Variants in TRIM3 observed in about 807,000 individuals in gnomAD.
The protein encoded by TRIM3 is tripartite motif containing 3.
A neutral mutation model predicts 66.6 loss-of-function variants in TRIM3; 13 were observed. The observed-to-expected ratio is 0.20, with a 90% CI of 0.13 to 0.31. The LOEUF (loss-of-function observed/expected upper bound fraction) is 0.31. Ranked by LOEUF, TRIM3 falls within the 10% of genes least tolerant of loss-of-function variation. TRIM3 has a pLI of 1.00. For synonymous variants in TRIM3, 406 were observed against 411.7 expected (o/e 0.99, Z 0.17); for missense variants, 711 against 1,020.4 (o/e 0.70, Z 4.13).
chr11:6,465,875 G>T (rs554066427), intron 1 of TRIM3, 143 bp from the exon 2 acceptor site: 2 of 689,786 alleles, frequency 2.9e-6, no homozygotes, highest in Admixed American at 5.6e-5. Flanking sequence ...AAGGATCAGG[G>T]TGATGTGACC....
At position 6,450,476 on chromosome 11, in the gene TRIM3, G is replaced by A; in HGVS notation, c.1941+75C>T. On this transcript the variant is annotated intron_variant, in intron 10 of 11. Transcript: ENST00000345851. This position sits in a 1 kb window ranked among gnomAD's most constrained non-coding sequence, Gnocchi z 4.8. ...TGATCTCAAAGGGGAAAAGGAGGAG[G>A]TAAAATAGAGAGGAGTCTTGTGGAA... 1 of 1,302,682 alleles carries A rather than the reference G, an allele frequency of 7.7e-7. No homozygotes were observed. The highest frequency in any genetic ancestry group is 1.1e-6 in the Non-Finnish European group (1 of 896,880). The allele number at this position is 1,302,682 out of a possible 1,614,324, so 80.7% of individuals were successfully genotyped here.
In TRIM3 at chr11:6,456,409, G is replaced by A. The variant is rs1392606761; in HGVS notation, c.1317C>T (p.Gly439=). The change falls in exon 6 of 12, where the codon GGC becomes GGT. Residue 439 remains glycine (G), a synonymous_variant. Transcript: ENST00000345851. This position sits in a 1 kb window ranked among gnomAD's most constrained non-coding sequence, Gnocchi z 6.4. ...DDVKRRVKSP[G]GPGSHVRQKA... ...TCTGGCGCACATGGCTGCCGGGGCC[G>A]CCAGGGGACTTGACACGGCGCTTCA... is the stretch of plus-strand genomic sequence containing the variant. The A allele has an allele frequency of 8.5e-6, 13 of 1,530,766 alleles. No individual in the cohort carries two copies. Among genetic ancestry groups the A allele is most frequent in the East Asian group, 4.5e-5 (2 of 44,036 alleles). The allele number at this position is 1,530,766 out of a possible 1,614,324, so 94.8% of individuals were successfully genotyped here.
At position 6,457,301 on chromosome 11, in the gene TRIM3, G is replaced by T. The variant is rs746834690; in HGVS notation, c.691C>A (p.Gln231Lys). Residue 231 changes from glutamine (Q) to lysine (K), a missense_variant, in exon 5 of 12, where the codon CAG becomes AAG. By Grantham distance (53) the Gln-to-Lys change is moderately conservative. Transcript: ENST00000345851. The surrounding 1 kb of genome is among the most constrained non-coding windows in gnomAD (Gnocchi z 4.5). ...AGGGTGAACACAAGACACACCTTCTGTTTGGCCCCACAAATGGTCTCCAGG... is the reference window on the plus strand; with the variant it reads ...AGGGTGAACACAAGACACACCTTCTTTTTGGCCCCACAAATGGTCTCCAGG... ...SDLETICGAK[Q>K]KVLQSQLDTL... 1 of 1,614,088 alleles carries T rather than the reference G, an allele frequency of 6.2e-7. No homozygotes were observed. The highest frequency in any genetic ancestry group is 1.3e-5 in the African/African-American group (1 of 75,052).
intron 7 of TRIM3, 107 bp from the exon 8 acceptor site, chr11:6,451,545 T>C: frequency 8.0e-7 from 1 of 1,243,102 alleles, no homozygotes; most frequent in Non-Finnish European, 1.1e-6. Context: ...CCACCATTTA[T>C]TCAGTCATTC....
rs1849687094 is a variant in TRIM3, at chr11:6,450,735, C to T, written c.1871-114G>A. On this transcript the variant is annotated intron_variant, in intron 9 of 11. Coordinates refer to ENST00000345851, the MANE Select transcript of TRIM3 (RefSeq NM_033278.4). This position sits in a 1 kb window ranked among gnomAD's most constrained non-coding sequence, Gnocchi z 4.8. Reference sequence around the variant, plus strand: ...TAGGAGAGGGGTGGGGTCTCCAGGACTGAGACAAATTATTTCTGAGATGAT... The same window carrying T: ...TAGGAGAGGGGTGGGGTCTCCAGGATTGAGACAAATTATTTCTGAGATGAT... The T allele has an allele frequency of 7.1e-7, 1 of 1,413,672 alleles. No homozygotes were observed. The allele number at this position is 1,413,672 out of a possible 1,614,324, so 87.6% of individuals were successfully genotyped here. A position where few individuals can be genotyped will look rare whatever the true frequency, so the allele number is the denominator to read the frequency against.
At chr11:6,463,994 G>A (rs1244963133) in intron 2 of TRIM3, among the ~76,000 whole-genome samples, 2 of 152,206 alleles carry the variant, frequency 1.3e-5, no homozygotes, top group Non-Finnish European at 2.9e-5. Flanking sequence ...TTCCGTTGGG[G>A]CAGAAGGCAG....
In TRIM3 at chr11:6,448,882, G is replaced by C. The variant is rs916092921; in HGVS notation, c.*146C>G. On this transcript the variant is annotated 3_prime_UTR_variant, in exon 12 of 12. Coordinates refer to ENST00000345851, the MANE Select transcript of TRIM3 (RefSeq NM_033278.4). ...TAAATAAAGTGCAACCGTGGGGGTG[G>C]GGGTAGGAGAGGGAGGGCACCGGGT... The C allele has an allele frequency of 3.2e-6, 3 of 938,120 alleles. No homozygotes were observed. Among genetic ancestry groups the C allele is most frequent in the Non-Finnish European group, 5.0e-6 (3 of 602,578 alleles). 58.1% of individuals were successfully genotyped at this position (938,120 alleles called of 1,614,324 possible).
chr11:6,458,143 C>G lies in TRIM3; in HGVS notation c.285G>C (p.Gly95=). 6.2e-7 allele frequency: 1 copy of G among 1,614,044 alleles called. No individual in the cohort carries two copies. Among genetic ancestry groups the G allele is most frequent in the Non-Finnish European group, 8.5e-7 (1 of 1,180,036 alleles). ...GGTGGGGGTCCTCCGGGTCGTGGGC[C>G]CCATCAGGTGCCTGCTGCATTGCCT... is the stretch of plus-strand genomic sequence containing the variant. ...LMEAMQQAPD[G]AHDPEDPHPL... is the part of the protein sequence containing the mutation. The change falls in exon 3 of 12, where the codon GGG becomes GGC. Residue 95 remains glycine, a synonymous_variant. Transcript: ENST00000345851. This position sits in a 1 kb window ranked among gnomAD's most constrained non-coding sequence, Gnocchi z 6.2.
At chr11:6,470,136 G>A (rs953504017) in intron 1 of TRIM3, among the ~76,000 whole-genome samples, 2 of 152,210 alleles carry the variant, frequency 1.3e-5, no homozygotes, top group Non-Finnish European at 2.9e-5. Context: ...AGTGACAAAA[G>A]TACATTTTTG....
At chr11:6,469,569 T>C (rs959341823) in intron 1 of TRIM3, among the ~76,000 whole-genome samples, 3 of 152,240 alleles carry the variant, frequency 2.0e-5, no homozygotes, top group Non-Finnish European at 2.9e-5. Flanking sequence ...TGCCTTCTGC[T>C]ATCCCTGTAT....
chr11:6,463,783 AGGTGGAATGGG>A (rs1850337399), intron 2 of TRIM3, among the ~76,000 whole-genome samples: 1 of 152,156 alleles, frequency 6.6e-6, no homozygotes, highest in Non-Finnish European at 1.5e-5. Flanking sequence ...AGTGTTACTG[AGGTGGAATGGG>A]GGACAACCCT....
At chr11:6,460,898 C>CTTT (rs771919613) in intron 2 of TRIM3, among the ~76,000 whole-genome samples, 748 of 74,298 alleles carry the variant, frequency 0.01, 40 homozygotes, top group African/African-American at 0.025. Context: ...TTTTTGGTGG[C>CTTT]TTTTTTTTTT....
chr11:6,462,820 G>C (rs1405956689), intron 2 of TRIM3, among the ~76,000 whole-genome samples: 1 of 152,054 alleles, frequency 6.6e-6, no homozygotes, highest in African/African-American at 2.4e-5. Context: ...TACTCAGGAG[G>C]CTGAGGCAGG....
intron 2 of TRIM3, among the ~76,000 whole-genome samples, chr11:6,465,078 T>A (rs577752902): frequency 6.7e-6 from 1 of 150,308 alleles, no homozygotes; most frequent in African/African-American, 2.4e-5. Context: ...GTCTGGCACA[T>A]AGTAGTTGCT....
In TRIM3 at chr11:6,457,487, A is replaced by T; in HGVS notation, c.516-11T>A. 1 of 1,610,428 alleles carries T rather than the reference A, an allele frequency of 6.2e-7. No homozygotes were observed. Among genetic ancestry groups the T allele is most frequent in the Non-Finnish European group, 8.5e-7 (1 of 1,178,774 alleles). ...GACAGCTGTGGCAATCTGGAGGGGGAATATCTCATTCCAGAGTTGCTGAGG... is the reference window on the plus strand; with the variant it reads ...GACAGCTGTGGCAATCTGGAGGGGGTATATCTCATTCCAGAGTTGCTGAGG... On this transcript the variant is annotated splice_polypyrimidine_tract_variant and intron_variant, in intron 4 of 11. Coordinates refer to ENST00000345851, the MANE Select transcript of TRIM3 (RefSeq NM_033278.4). The surrounding 1 kb of genome is among the most constrained non-coding windows in gnomAD (Gnocchi z 4.5).
rs780922940 is a variant in TRIM3 at position 6,456,062 on chromosome 11, A to T, written c.1533+10T>A. On this transcript the variant is annotated intron_variant, in intron 7 of 11. Transcript: ENST00000345851. This position sits in a 1 kb window ranked among gnomAD's most constrained non-coding sequence, Gnocchi z 6.4. ...TTTTGGTGGTGGAGGAGAGCGGTAAAGGTGCTTACCTGAATACACTGGTTG... is the reference window on the plus strand; with the variant it reads ...TTTTGGTGGTGGAGGAGAGCGGTAATGGTGCTTACCTGAATACACTGGTTG... 6.2e-6 allele frequency: 10 copies of T among 1,613,264 alleles called. No individual in the cohort carries two copies. In the Admixed American group the frequency reaches 1.7e-4, roughly 27 times the overall value.
rs1337213673 is a variant in TRIM3 at position 6,458,112 on chromosome 11, T to C, written c.316A>G (p.Ser106Gly). ...AHDPEDPHPL[S>G]VVAGRPLSCP... ...GAGAGAGGGCGGCCAGCCACTACAC[T>C]GAGGGGGTGGGGGTCCTCCGGGTCG... The change falls in exon 3 of 12, where the codon AGT becomes GGT. Residue 106 changes from serine to glycine, a missense_variant. Ser to Gly is a moderately conservative substitution (Grantham distance 56). This residue lies in a region of TRIM3 where 149 missense variants were observed against 240.3 expected (regional missense o/e 0.62). Coordinates refer to ENST00000345851, the MANE Select transcript of TRIM3 (RefSeq NM_033278.4). The surrounding 1 kb of genome is among the most constrained non-coding windows in gnomAD (Gnocchi z 6.2). 3.7e-6 allele frequency: 6 copies of C among 1,613,288 alleles called. No homozygotes were observed. Among genetic ancestry groups the C allele is most frequent in the Non-Finnish European group, 5.1e-6 (6 of 1,179,946 alleles).
intron 7 of TRIM3, chr11:6,452,052 A>G (rs1849746181): frequency 6.5e-6 from 1 of 153,034 alleles, no homozygotes; most frequent in Non-Finnish European, 1.5e-5. Flanking sequence ...TGGACCAAGG[A>G]AATTGGCTGG....
chr11:6,461,367 A>G (rs750550656), intron 2 of TRIM3, among the ~76,000 whole-genome samples: 3 of 152,096 alleles, frequency 2.0e-5, no homozygotes, highest in Non-Finnish European at 4.4e-5. Context: ...TTTGAAGCTC[A>G]TGCCTTCTAT....
Sources: gnomAD v4.1 joint callset for allele counts (sites outside exome capture counted in the v4.1 genomes callset) on GRCh38, gnomAD v4.1.1 for gene constraint, gnomAD v4.1.1 regional missense constraint, Gnocchi (gnomAD v3.1) non-coding constraint, MANE v1.5 for transcripts, NCBI Gene and HGNC (gene_info 2026-07-23, HGNC 2026-07-21) for gene names.